GRM1: variants seen among roughly 807,000 people sequenced by gnomAD.
GRM1 encodes metabotropic glutamate receptor 1.
A neutral mutation model predicts 90.9 loss-of-function variants in GRM1; 33 were observed. That is an observed-to-expected ratio of 0.36 (90% confidence interval 0.28 to 0.49). The LOEUF is 0.49. Ranked by LOEUF, GRM1 falls within the 20% of genes least tolerant of loss-of-function variation. GRM1 has a pLI of 0.99. For missense variants in GRM1, 1,190 were observed against 1,534.3 expected (o/e 0.78, Z 3.75); for synonymous variants, 700 against 613.2 (o/e 1.14, Z -2.09).
intron 2 of GRM1, among the ~76,000 whole-genome samples, chr6:146,248,809 G>C (rs1355203997): frequency 1.3e-5 from 2 of 152,202 alleles, no homozygotes; most frequent in African/African-American, 4.8e-5. Flanking sequence ...GAATGGTTTT[G>C]ACCAAAATGC....
chr6:146,401,983 AC>A (rs2114594506), intron 7 of GRM1, among the ~76,000 whole-genome samples: 1 of 152,228 alleles, frequency 6.6e-6, no homozygotes, highest in Non-Finnish European at 1.5e-5. Context: ...ACCTGGAACC[AC>A]TTTCCTTATA....
intron 2 of GRM1, among the ~76,000 whole-genome samples, chr6:146,250,005 G>A (rs1220973081): frequency 1.3e-5 from 2 of 152,216 alleles, no homozygotes; most frequent in Non-Finnish European, 2.9e-5. Context: ...CTTGCTTGGA[G>A]CCTGTGCCAC....
In GRM1 at chr6:146,434,417, C is replaced by T. The variant is rs79336287; in HGVS notation, c.3206C>T (p.Pro1069Leu). 2,056 of 1,613,554 alleles carry T rather than the reference C, an allele frequency of 1.3e-3. 6 individuals carry two copies. Among genetic ancestry groups the T allele is most frequent in the African/African-American group, 7.7e-3 (578 of 75,056 alleles). Residue 1069 changes from proline to leucine, a missense_variant, in exon 8 of 8, where the codon CCG (proline) becomes CTG (leucine). Pro to Leu is a moderately conservative substitution (Grantham distance 98). This residue lies in a region of GRM1 where 400 missense variants were observed against 360.8 expected (regional missense o/e 1.11). Transcript: ENST00000282753. ...GGGCTGCGGTCCCTGTACCCGCCCC[C>T]GCCACCTCCGCAGCACCTGCAGATG... ...GNGLRSLYPP[P>L]PPPQHLQMLP... is the part of the protein sequence containing the mutation.
At chr6:146,195,397 C>T (rs1201943709) in intron 2 of GRM1, among the ~76,000 whole-genome samples, 1 of 152,236 alleles carries the variant, frequency 6.6e-6, no homozygotes, top group Non-Finnish European at 1.5e-5. Flanking sequence ...TTCACCTCCT[C>T]AGACCCGCCG....
At chr6:146,195,232 T>C (rs980535749) in intron 2 of GRM1, among the ~76,000 whole-genome samples, 1 of 152,138 alleles carries the variant, frequency 6.6e-6, no homozygotes, top group African/African-American at 2.4e-5. Context: ...AAGATTAAAG[T>C]GGTAATTTAA....
At chr6:146,124,176 A>G (rs1468813192) in intron 1 of GRM1, among the ~76,000 whole-genome samples, 2 of 152,202 alleles carry the variant, frequency 1.3e-5, no homozygotes, top group Non-Finnish European at 2.9e-5. Flanking sequence ...GAAAGTTTTA[A>G]TTAGTAAGTG....
chr6:146,363,235 T>C (rs1460430995), intron 5 of GRM1, among the ~76,000 whole-genome samples: 1 of 152,188 alleles, frequency 6.6e-6, no homozygotes, highest in Admixed American at 6.5e-5. Flanking sequence ...CGGTCATGTC[T>C]CTTCAAGCCT....
chr6:146,314,771 G>T (rs1056719373), intron 3 of GRM1, among the ~76,000 whole-genome samples: 5 of 151,998 alleles, frequency 3.3e-5, no homozygotes, highest in African/African-American at 1.2e-4. Flanking sequence ...TAAGGTGAAG[G>T]GGTTATTTTA....
chr6:146,359,593 C>T (rs905821457), intron 5 of GRM1, among the ~76,000 whole-genome samples: 1 of 152,186 alleles, frequency 6.6e-6, no homozygotes, highest in African/African-American at 2.4e-5. Flanking sequence ...AGCTCCCTTT[C>T]ACAATTCCTT....
intron 2 of GRM1, among the ~76,000 whole-genome samples, chr6:146,220,138 G>T (rs1333070564): frequency 6.6e-6 from 1 of 151,824 alleles, no homozygotes; most frequent in Non-Finnish European, 1.5e-5. Flanking sequence ...TTAAATTTTT[G>T]GATACATTTA....
At chr6:146,177,140 G>T (rs1778366237) in intron 2 of GRM1, among the ~76,000 whole-genome samples, 1 of 151,980 alleles carries the variant, frequency 6.6e-6, no homozygotes, top group African/African-American at 2.4e-5. Flanking sequence ...TCCTAACAGA[G>T]GACCAGGAAA....
rs889774226 is a variant in GRM1, at chr6:146,422,039, T to C, written c.2661-11833T>C. ...AATGGTCTTGAGTGGTGGCTGTCATTCTTTATGATTACTTTGGACAGCTGC... is the reference window on the plus strand; with the variant it reads ...AATGGTCTTGAGTGGTGGCTGTCATCCTTTATGATTACTTTGGACAGCTGC... On this transcript the variant is annotated intron_variant, in intron 7 of 7. Transcript: ENST00000282753. 4.6e-5 allele frequency among the ~76,000 whole-genome samples: 7 copies of C among 152,204 alleles called. 1 individual carries two copies. The East Asian group carries it at 1.2e-3, about 25-fold the overall frequency.
intron 1 of GRM1, among the ~76,000 whole-genome samples, chr6:146,098,457 C>CT (rs1336819904): frequency 3.3e-5 from 5 of 150,620 alleles, no homozygotes; most frequent in African/African-American, 9.8e-5. Context: ...TAACATTTTT[C>CT]TTTTTTTTTA....
chr6:146,229,207 C>T (rs997456125), intron 2 of GRM1, among the ~76,000 whole-genome samples: 37 of 151,598 alleles, frequency 2.4e-4, no homozygotes, highest in Admixed American at 1.1e-3. Flanking sequence ...TGGTATTGAA[C>T]TCCCGACCTC....
chr6:146,323,047 T>G (rs1464000094), intron 3 of GRM1, among the ~76,000 whole-genome samples: 1 of 152,146 alleles, frequency 6.6e-6, no homozygotes, highest in Non-Finnish European at 1.5e-5. Flanking sequence ...ATTGTGAATG[T>G]CCCGCTATAA....
chr6:146,312,212 G>A lies in GRM1; in HGVS notation c.1186+7366G>A, dbSNP rs570137332. ...AAAAATTAGCCGGGCACAGTGGCGG[G>A]CACCTGTAATCCCAGCTACTCAGGA... On this transcript the variant is annotated intron_variant, in intron 3 of 7. Coordinates refer to ENST00000282753, the MANE Select transcript of GRM1 (RefSeq NM_001278064.2). 6.6e-5 allele frequency among the ~76,000 whole-genome samples: 10 copies of A among 151,638 alleles called. No homozygotes were observed. In the East Asian group the frequency reaches 9.7e-4, roughly 15 times the overall value.
intron 7 of GRM1, among the ~76,000 whole-genome samples, chr6:146,412,032 T>C (rs1445741291): frequency 6.6e-6 from 1 of 152,166 alleles, no homozygotes; most frequent in Non-Finnish European, 1.5e-5. Context: ...CTTCATTTGA[T>C]GCCATCAAAT....
At chr6:146,072,171 T>C (rs1776036553) in intron 1 of GRM1, among the ~76,000 whole-genome samples, 1 of 152,226 alleles carries the variant, frequency 6.6e-6, no homozygotes, top group African/African-American at 2.4e-5. Flanking sequence ...GCATTCTTTG[T>C]ATCTATCCGC....
At chr6:146,199,687 G>A (rs1171072324) in intron 2 of GRM1, among the ~76,000 whole-genome samples, 1 of 149,640 alleles carries the variant, frequency 6.7e-6, no homozygotes, top group African/African-American at 2.4e-5. Context: ...TGCATTGTTG[G>A]TGGGGAGGTC....
Sources: gnomAD v4.1 joint callset for allele counts (sites outside exome capture counted in the v4.1 genomes callset) on GRCh38, gnomAD v4.1.1 for gene constraint, gnomAD v4.1.1 regional missense constraint, MANE v1.5 for transcripts, NCBI Gene and HGNC (gene_info 2026-07-23, HGNC 2026-07-21) for gene names.